Variants in RSBN1 observed in about 807,000 individuals in gnomAD.
RSBN1 encodes the protein lysine-specific demethylase 9.
Under a neutral mutation model 74.8 loss-of-function variants are expected in RSBN1, and 23 were observed. That is an observed-to-expected ratio of 0.31 (90% CI 0.22 to 0.44). The LOEUF (loss-of-function observed/expected upper bound fraction) is 0.44. Among genes scored for constraint, RSBN1 ranks in the 20% least tolerant of loss-of-function variants. The probability of loss-of-function intolerance (pLI) is 1.00; values close to 1 mark genes in which losing one functional copy is unlikely to be tolerated. For synonymous variants in RSBN1, 407 were observed against 379.6 expected (o/e 1.07, Z -0.84); for missense variants, 808 against 1,020.9 (o/e 0.79, Z 2.84).
intron 2 of RSBN1, among the ~76,000 whole-genome samples, chr1:113,781,913 C>T (rs957174882): frequency 1.3e-5 from 2 of 152,164 alleles, no homozygotes; most frequent in African/African-American, 4.8e-5. Context: ...GGATTCCTAT[C>T]CCCAAGAGCC....
chr1:113,806,859 AAAC>A (rs1292366754), intron 1 of RSBN1, among the ~76,000 whole-genome samples: 4 of 150,746 alleles, frequency 2.7e-5, no homozygotes, highest in South Asian at 2.1e-4. Context: ...AAAAAAAAAA[AAAC>A]ATTAGCCAGG....
chr1:113,788,401 C>T (rs1185196479), intron 2 of RSBN1, among the ~76,000 whole-genome samples: 1 of 151,850 alleles, frequency 6.6e-6, no homozygotes, highest in African/African-American at 2.4e-5. Context: ...TTTCTTGGGC[C>T]AGAGTGATTG....
intron 2 of RSBN1, among the ~76,000 whole-genome samples, chr1:113,782,597 T>C (rs958433775): frequency 1.3e-5 from 2 of 152,234 alleles, no homozygotes; most frequent in East Asian, 1.9e-4. Flanking sequence ...TGAATAGTGC[T>C]GCAATAAACA....
chr1:113,795,991 G>A (rs1464924412), intron 2 of RSBN1, among the ~76,000 whole-genome samples: 1 of 152,110 alleles, frequency 6.6e-6, no homozygotes, highest in Admixed American at 6.6e-5. Flanking sequence ...AGAGCATGTT[G>A]ATTCTGCTCT....
intron 4 of RSBN1, among the ~76,000 whole-genome samples, chr1:113,769,121 G>GT (rs912817760): frequency 3.2e-4 from 48 of 152,154 alleles, no homozygotes; most frequent in African/African-American, 1.1e-3. Context: ...TCATCCCTTT[G>GT]TCCATGACTT....
chr1:113,812,389 C>T lies in RSBN1; in HGVS notation c.24G>A (p.Thr8=), dbSNP rs201171572. The T allele has an allele frequency of 1.6e-3, 2,627 of 1,600,820 alleles. 2 individuals carry two copies. Among genetic ancestry groups the T allele is most frequent in the Non-Finnish European group, 2.1e-3 (2,478 of 1,178,802 alleles). MFISGRR[T]ADKWRAEERL... is the part of the protein sequence containing the mutation. The stretch of plus-strand genomic sequence containing the variant: ...TCTCCTCCGCCCTCCACTTGTCGGC[C>T]GTTCTTCGTCCAGAGATGAACATGC... The change falls in exon 1 of 7, where the codon ACG becomes ACA. Residue 8 remains threonine (T), a synonymous_variant. Transcript: ENST00000261441.
At chr1:113,774,708 T>A (rs1571296735) in intron 4 of RSBN1, among the ~76,000 whole-genome samples, 1 of 150,268 alleles carries the variant, frequency 6.7e-6, no homozygotes, top group Non-Finnish European at 1.5e-5. Flanking sequence ...AAAAAACAAC[T>A]AGCCAGGCAT....
intron 4 of RSBN1, among the ~76,000 whole-genome samples, chr1:113,776,967 T>C (rs1265446597): frequency 6.6e-6 from 1 of 152,162 alleles, no homozygotes; most frequent in East Asian, 1.9e-4. Context: ...ACTAAGGGGT[T>C]TGATCTTTTA....
chr1:113,768,459 A>C, intron 4 of RSBN1, 70 bp from the exon 5 acceptor site: 1 of 1,244,636 alleles, frequency 8.0e-7, no homozygotes, highest in Non-Finnish European at 1.1e-6. Context: ...ATTAATTAAT[A>C]GCAGTAAGGC....
intron 2 of RSBN1, among the ~76,000 whole-genome samples, chr1:113,782,260 G>A (rs950106234): frequency 2.0e-5 from 3 of 152,044 alleles, no homozygotes; most frequent in East Asian, 3.8e-4. Context: ...CTCAAAGAAC[G>A]AAAGTACATA....
rs977453685 is a variant in RSBN1, at chr1:113,766,018, G to C, written c.2371C>G (p.Gln791Glu). 13 of 1,613,520 alleles carry C rather than the reference G, an allele frequency of 8.1e-6. No individual in the cohort carries two copies. Among genetic ancestry groups the C allele is most frequent in the African/African-American group, 8.0e-5 (6 of 74,900 alleles). The change falls in exon 7 of 7, where the codon CAA becomes GAA. Residue 791 changes from glutamine to glutamate, a missense_variant. By Grantham distance (29) the Gln-to-Glu change is conservative. This residue lies in a region of RSBN1 where 91 missense variants were observed against 99.6 expected (regional missense o/e 0.91). Coordinates refer to ENST00000261441, the MANE Select transcript of RSBN1 (RefSeq NM_018364.5). ...GTTGAATGTTCTTGCAGATTGTGTTGCTGGTCAGAGTCCAGTCTACTTTCC... is the reference window on the plus strand; with the variant it reads ...GTTGAATGTTCTTGCAGATTGTGTTCCTGGTCAGAGTCCAGTCTACTTTCC... ...KVESRLDSDQQHNLQEHSTTS... is the reference protein window; with the variant it reads ...KVESRLDSDQEHNLQEHSTTS...
chr1:113,778,762 G>T (rs1157545571), intron 2 of RSBN1, among the ~76,000 whole-genome samples: 1 of 151,978 alleles, frequency 6.6e-6, no homozygotes, highest in Non-Finnish European at 1.5e-5. Context: ...AGTCTTTCTG[G>T]TCACACTCCA....
In RSBN1 at chr1:113,789,970, T is replaced by G. The variant is rs558991776; in HGVS notation, c.1377+7393A>C. On this transcript the variant is annotated intron_variant, in intron 2 of 6. Coordinates refer to ENST00000261441, the MANE Select transcript of RSBN1 (RefSeq NM_018364.5). ...ACACTGTAGTTTTAAAATACAAAGG[T>G]ACAAGTATTGTTTTTATGTTCATTT... 1.1e-4 allele frequency among the ~76,000 whole-genome samples: 16 copies of G among 152,230 alleles called. No homozygotes were observed. The South Asian group carries it at 2.7e-3, about 26-fold the overall frequency.
At position 113,770,509 on chromosome 1, in the gene RSBN1, C is replaced by T. The variant is rs564927032; in HGVS notation, c.1659-2120G>A. The stretch of plus-strand genomic sequence containing the variant: ...TTATAGCCAAAAACATCCTGATAAA[C>T]TTTCAGCCAGAAAAACTGCACATTC... On this transcript the variant is annotated intron_variant, in intron 4 of 6. Transcript: ENST00000261441. 6.6e-4 allele frequency among the ~76,000 whole-genome samples: 100 copies of T among 152,264 alleles called. 1 individual carries two copies. The highest frequency in any genetic ancestry group is 2.1e-3 in the African/African-American group (87 of 41,570).
chr1:113,767,531 A>G (rs1442560968), intron 5 of RSBN1, among the ~76,000 whole-genome samples: 2 of 152,178 alleles, frequency 1.3e-5, no homozygotes, highest in Admixed American at 1.3e-4. Context: ...ACAGAATATA[A>G]AATGGTTTAG....
At chr1:113,771,810 CAAAA>C (rs71779986) in intron 4 of RSBN1, among the ~76,000 whole-genome samples, 1 of 75,342 alleles carries the variant, frequency 1.3e-5, no homozygotes, top group Admixed American at 1.4e-4. Flanking sequence ...GTTCCTACCT[CAAAA>C]AAAAAAAAAA....
intron 1 of RSBN1, among the ~76,000 whole-genome samples, chr1:113,799,521 A>C (rs1018483390): frequency 1.3e-5 from 2 of 151,724 alleles, no homozygotes; most frequent in Admixed American, 1.3e-4. Context: ...AAAGAAGAAA[A>C]GGACCTAAAG....
intron 1 of RSBN1, among the ~76,000 whole-genome samples, chr1:113,805,731 G>A (rs1473011974): frequency 6.6e-6 from 1 of 152,178 alleles, no homozygotes; most frequent in Non-Finnish European, 1.5e-5. Context: ...AACTCCAAAT[G>A]TCTGAGATTG....
At position 113,766,115 on chromosome 1, in the gene RSBN1, T is replaced by G. The variant is rs765637311; in HGVS notation, c.2274A>C (p.Ser758=). 6 of 1,613,976 alleles carry G rather than the reference T, an allele frequency of 3.7e-6. No individual in the cohort carries two copies. The African/African-American group carries it at 8.0e-5, about 22-fold the overall frequency. Residue 758 remains serine, a synonymous_variant, in exon 7 of 7, where the codon TCA becomes TCC. Coordinates refer to ENST00000261441, the MANE Select transcript of RSBN1 (RefSeq NM_018364.5). ...TEIQLLTTAS[S]SFPPASELNL... ...TAAGTTCTGATGCAGGTGGGAAAGA[T>G]GATGAAGCAGTTGTTAACAGCTGAA...
Sources: gnomAD v4.1 joint callset for allele counts (sites outside exome capture counted in the v4.1 genomes callset) on GRCh38, gnomAD v4.1.1 for gene constraint, gnomAD v4.1.1 regional missense constraint, MANE v1.5 for transcripts, NCBI Gene and HGNC (gene_info 2026-07-23, HGNC 2026-07-21) for gene names.